PKD1L1: variants seen among roughly 807,000 people sequenced by gnomAD.
The protein encoded by PKD1L1 is polycystin-1-like protein 1.
Under a neutral mutation model 323.4 loss-of-function variants are expected in PKD1L1, and 236 were observed. The observed-to-expected ratio is 0.73, with a 90% CI of 0.66 to 0.81. PKD1L1 has a LOEUF of 0.81. PKD1L1 is among the 40% of genes least tolerant of loss of function. The probability of loss-of-function intolerance (pLI) is 0.00; values close to 1 mark genes in which losing one functional copy is unlikely to be tolerated. For missense variants in PKD1L1, 3,320 were observed against 3,508.0 expected (o/e 0.95, Z 1.35); for synonymous variants, 1,344 against 1,335.0 (o/e 1.01, Z -0.15).
chr7:47,935,030 G>C (rs527930752), intron 4 of PKD1L1, among the ~76,000 whole-genome samples: 96 of 152,300 alleles, frequency 6.3e-4, no homozygotes, highest in Admixed American at 1.2e-3. Context: ...TGTTTCTCGT[G>C]TGTATTCACA....
intron 38 of PKD1L1, 29 bp from the exon 39 acceptor site, chr7:47,835,068 G>A (rs1785428484): frequency 1.2e-6 from 2 of 1,612,468 alleles, no homozygotes; most frequent in Non-Finnish European, 1.7e-6. Flanking sequence ...GGTTCGCCAA[G>A]CGTGTTCCCC....
intron 24 of PKD1L1, among the ~76,000 whole-genome samples, chr7:47,870,354 G>A (rs1786256309): frequency 6.6e-6 from 1 of 151,530 alleles, no homozygotes; most frequent in Admixed American, 6.6e-5. Flanking sequence ...CAAATCTTTA[G>A]CTAGACTGAC....
the PKD1L1 span, among the ~76,000 whole-genome samples, chr7:47,956,303 G>A: frequency 5.9e-5 from 9 of 152,192 alleles, no homozygotes; most frequent in African/African-American, 1.7e-4. Context: ...TTCACCTTCC[G>A]CACCATTCTG....
At chr7:47,889,017 G>A (rs564848111) in intron 16 of PKD1L1, among the ~76,000 whole-genome samples, 11 of 152,214 alleles carry the variant, frequency 7.2e-5, no homozygotes, top group South Asian at 2.1e-4. Flanking sequence ...CTAAGCACTC[G>A]ACTCCCAGCA....
chr7:47,848,018 C>A (rs575094680), intron 31 of PKD1L1, among the ~76,000 whole-genome samples: 13 of 152,184 alleles, frequency 8.5e-5, no homozygotes, highest in Admixed American at 7.2e-4. Flanking sequence ...AAATACCCAA[C>A]TTAATTCATA....
chr7:47,946,988 A>G lies in PKD1L1; in HGVS notation c.44+1409T>C, dbSNP rs1423408520. ...GTAATTCCTTGCAATTCCCTGACTG[A>G]TAAGAGTGAAGGTCAAATTGGGCCA... On this transcript the variant is annotated intron_variant, in intron 1 of 56. Transcript: ENST00000289672. The surrounding 1 kb of genome is among the most constrained non-coding windows in gnomAD (Gnocchi z 4.1). Among the ~76,000 whole-genome samples, 1 of 152,192 alleles carries G rather than the reference A, an allele frequency of 6.6e-6. No individual in the cohort carries two copies.
chr7:47,915,488 A>G lies in PKD1L1; in HGVS notation c.1172T>C (p.Leu391Pro). 7.8e-7 allele frequency: 1 copy of G among 1,290,286 alleles called. No homozygotes were observed. 79.9% of individuals were successfully genotyped at this position (1,290,286 alleles called of 1,614,324 possible). The part of the protein sequence containing the change: ...VYLCQSENSC[L>P]EDSDPSNLGY... ...AAGGTTACTGGGGTCTGAGTCTTCC[A>G]GGCAGCTGTTTTCACTTTGGCACAA... Residue 391 changes from leucine (L) to proline (P), a missense_variant, in exon 8 of 57, where the codon CTG (leucine) becomes CCG (proline). Physicochemically the swap from Leu to Pro is moderately conservative, Grantham distance 98 (BLOSUM62 -3). Coordinates refer to ENST00000289672, the MANE Select transcript of PKD1L1 (RefSeq NM_138295.5).
rs747269404 is a variant in PKD1L1 at position 47,885,913 on chromosome 7, G to A, written c.2978C>T (p.Ser993Leu). The change falls in exon 18 of 57, where the codon TCA becomes TTA. Residue 993 changes from serine to leucine, a missense_variant. Transcript: ENST00000289672. ...GGCAGGTTGGCCAAGGGTCACGGGTGAAGGTTCCCGTGAGAATGGTGTGGT... is the reference window on the plus strand; with the variant it reads ...GGCAGGTTGGCCAAGGGTCACGGGTAAAGGTTCCCGTGAGAATGGTGTGGT... ...ATTTPFSREP[S>L]PVTLGQPATS... The A allele has an allele frequency of 1.2e-6, 2 of 1,614,192 alleles. No homozygotes were observed. The highest frequency in any genetic ancestry group is 3.3e-5 in the Admixed American group (2 of 60,034).
intron 12 of PKD1L1, among the ~76,000 whole-genome samples, chr7:47,903,388 G>T (rs1787132123): frequency 6.6e-6 from 1 of 152,172 alleles, no homozygotes; most frequent in South Asian, 2.1e-4. Context: ...CACTTCCACA[G>T]GGCACAAAAG....
Position 47,837,201 on chromosome 7 carries a change from G to A in PKD1L1, c.5770-107C>T, listed in dbSNP as rs1488970771. 23 of 1,286,916 alleles carry A rather than the reference G, an allele frequency of 1.8e-5. No individual in the cohort carries two copies. The Admixed American group carries it at 4.3e-4, about 24-fold the overall frequency. 79.7% of individuals were successfully genotyped at this position (1,286,916 alleles called of 1,614,324 possible). ...CTGAGCAGAGACCACGAGCTTTCTG[G>A]TTCTTCCATCCTAGCTGCTTAGCTG... On this transcript the variant is annotated intron_variant, in intron 36 of 56. Transcript: ENST00000289672.
chr7:47,804,469 A>AT (rs71966592), intron 52 of PKD1L1, among the ~76,000 whole-genome samples: 12,609 of 122,442 alleles, frequency 0.1, 1,040 homozygotes, highest in South Asian at 0.12. Flanking sequence ...TACATTTTTA[A>AT]TTTTTTTTTT....
intron 28 of PKD1L1, among the ~76,000 whole-genome samples, chr7:47,856,070 C>T (rs1785897784): frequency 6.6e-6 from 1 of 151,858 alleles, no homozygotes; most frequent in African/African-American, 2.4e-5. Context: ...CAGAGTCTTG[C>T]TCTGTCGCCC....
At chr7:47,850,632 C>CAAAAA (rs58437908) in intron 31 of PKD1L1, among the ~76,000 whole-genome samples, 16 of 75,648 alleles carry the variant, frequency 2.1e-4, no homozygotes, top group African/African-American at 3.4e-4. Flanking sequence ...GACTCTGTCT[C>CAAAAA]AAAAAAAAAA....
intron 32 of PKD1L1, among the ~76,000 whole-genome samples, chr7:47,845,415 C>G (rs769402537): frequency 1.1e-4 from 17 of 152,200 alleles, no homozygotes; most frequent in Admixed American, 2.0e-4. Flanking sequence ...CACAGCCTAG[C>G]TGTGCTGCTG....
upstream of PKD1L1, among the ~76,000 whole-genome samples, chr7:47,952,898 G>A (rs1385553086): frequency 1.3e-5 from 2 of 152,152 alleles, no homozygotes; most frequent in Non-Finnish European, 2.9e-5. Flanking sequence ...CTCTTCTGTA[G>A]TTTTCCGTGC....
At chr7:47,947,679 C>G (rs943619925) in intron 1 of PKD1L1, among the ~76,000 whole-genome samples, 4 of 152,212 alleles carry the variant, frequency 2.6e-5, no homozygotes, top group African/African-American at 9.6e-5. Context: ...GAAATAAGAC[C>G]CATGGAGGCT....
chr7:47,938,877 T>C (rs1787928695), intron 3 of PKD1L1, among the ~76,000 whole-genome samples: 1 of 152,162 alleles, frequency 6.6e-6, no homozygotes, highest in Admixed American at 6.5e-5. Flanking sequence ...AGGCAGGGCT[T>C]GTGCATGGTT....
rs751521259 is a variant in PKD1L1, at chr7:47,827,451, T to C, written c.6753A>G (p.Gln2251=). 1.1e-5 allele frequency: 17 copies of C among 1,609,722 alleles called. No homozygotes were observed. Among genetic ancestry groups the C allele is most frequent in the Middle Eastern group, 1.6e-4 (1 of 6,078 alleles). The change falls in exon 45 of 57, where the codon CAA becomes CAG. Residue 2251 remains glutamine (Q), a synonymous_variant. Transcript: ENST00000289672. The stretch of plus-strand genomic sequence containing the variant: ...GCGCCCAGCGCAGGTGGCGAGCTTG[T>C]TGTCGGGCAGCCAAGACCTGTCAGG... The part of the protein sequence containing the change: ...GEVEKVLAAR[Q]QARHLRWAHP...
chr7:47,901,327 C>CAAAAAAAAAAAAAAAAA (rs71699736), intron 13 of PKD1L1, among the ~76,000 whole-genome samples: 4 of 62,602 alleles, frequency 6.4e-5, no homozygotes, highest in African/African-American at 9.9e-5. Flanking sequence ...AACAGAGTCT[C>CAAAAAAAAAAAAAAAAA]AAAAAAAAAA....
Sources: gnomAD v4.1 joint callset for allele counts (sites outside exome capture counted in the v4.1 genomes callset) on GRCh38, gnomAD v4.1.1 for gene constraint, Gnocchi (gnomAD v3.1) non-coding constraint, MANE v1.5 for transcripts, NCBI Gene and HGNC (gene_info 2026-07-23, HGNC 2026-07-21) for gene names.